Variants in ASIC2 observed in about 807,000 individuals in gnomAD.
ASIC2 encodes acid-sensing ion channel 2.
In ASIC2, 25 loss-of-function variants were observed where a neutral mutation model predicts 57.3. That is an observed-to-expected ratio of 0.44 (90% CI 0.32 to 0.61). The LOEUF (loss-of-function observed/expected upper bound fraction) is 0.61. Among genes scored for constraint, ASIC2 ranks in the 20% least tolerant of loss-of-function variants. The probability of loss-of-function intolerance (pLI) is 0.06; values close to 1 mark genes in which losing one functional copy is unlikely to be tolerated. For synonymous variants in ASIC2, 319 were observed against 307.5 expected, an observed-to-expected ratio of 1.04 and a Z score of -0.39; for missense variants, 641 against 738.1, an observed-to-expected ratio of 0.87 and a Z score of 1.52.
intron 1 of ASIC2, among the ~76,000 whole-genome samples, chr17:33,486,453 C>A (rs888411676): frequency 4.6e-5 from 7 of 152,176 alleles, no homozygotes; most frequent in Admixed American, 4.6e-4. Context: ...CCTGGTACAG[C>A]ACCTGGCATA....
At chr17:33,549,302 A>G (rs1002362385) in intron 1 of ASIC2, among the ~76,000 whole-genome samples, 1 of 152,012 alleles carries the variant, frequency 6.6e-6, no homozygotes, top group Admixed American at 6.6e-5. Flanking sequence ...GTGCATCTTA[A>G]CTCGTTTTAG....
At chr17:33,461,458 CCCAGGG>C (rs2141911931) in intron 1 of ASIC2, among the ~76,000 whole-genome samples, 1 of 152,240 alleles carries the variant, frequency 6.6e-6, no homozygotes, top group Non-Finnish European at 1.5e-5. Context: ...TTTGATATTC[CCCAGGG>C]CCCTGCTTCT....
At chr17:33,257,981 G>A (rs544470363) in intron 1 of ASIC2, among the ~76,000 whole-genome samples, 1 of 152,304 alleles carries the variant, frequency 6.6e-6, no homozygotes, top group African/African-American at 2.4e-5. Context: ...CTACATTAGT[G>A]TGTGCAAGGT....
At chr17:33,813,498 A>G (rs973351908) in intron 1 of ASIC2, among the ~76,000 whole-genome samples, 1 of 152,092 alleles carries the variant, frequency 6.6e-6, no homozygotes, top group East Asian at 1.9e-4. Context: ...GTGCAGTGGC[A>G]CAATCTTGGC....
intron 1 of ASIC2, among the ~76,000 whole-genome samples, chr17:33,708,544 G>T (rs771603116): frequency 2.6e-5 from 4 of 152,088 alleles, no homozygotes; most frequent in Non-Finnish European, 5.9e-5. Context: ...TTCTCTTCCA[G>T]CTCTGAAGCC....
intron 1 of ASIC2, among the ~76,000 whole-genome samples, chr17:33,424,406 A>G (rs1040866399): frequency 6.6e-6 from 1 of 152,220 alleles, no homozygotes; most frequent in Non-Finnish European, 1.5e-5. Flanking sequence ...TGAAGGGCAG[A>G]AGTTCAGTGG....
chr17:33,499,155 G>T (rs909971235), intron 1 of ASIC2, among the ~76,000 whole-genome samples: 1 of 152,166 alleles, frequency 6.6e-6, no homozygotes, highest in Non-Finnish European at 1.5e-5. Flanking sequence ...TTGAAGTGGG[G>T]GTGTCTACAT....
intron 1 of ASIC2, among the ~76,000 whole-genome samples, chr17:33,349,065 T>C (rs59341815): frequency 0.23 from 35,519 of 152,094 alleles, 4,619 homozygotes; most frequent in South Asian, 0.43. Flanking sequence ...CTCTTATTAC[T>C]GATCTATGGA....
chr17:33,048,607 G>A (rs376659339), intron 3 of ASIC2, among the ~76,000 whole-genome samples: 52 of 152,296 alleles, frequency 3.4e-4, no homozygotes, highest in African/African-American at 1.1e-3. Flanking sequence ...GAGAGACCAC[G>A]TCATCTGCTA....
chr17:33,074,845 T>C (rs1000500337), intron 3 of ASIC2, among the ~76,000 whole-genome samples: 1 of 152,206 alleles, frequency 6.6e-6, no homozygotes, highest in African/African-American at 2.4e-5. Flanking sequence ...TTCTGGACTT[T>C]ATAGATAAGA....
chr17:34,146,081 G>A (rs922566925), intron 1 of ASIC2, among the ~76,000 whole-genome samples: 28 of 152,124 alleles, frequency 1.8e-4, no homozygotes, highest in Non-Finnish European at 1.0e-4. Flanking sequence ...TCAGCTCTTC[G>A]GAGAAGGGAA....
chr17:33,544,003 T>C (rs911792812), intron 1 of ASIC2, among the ~76,000 whole-genome samples: 2 of 152,206 alleles, frequency 1.3e-5, no homozygotes, highest in African/African-American at 2.4e-5. Flanking sequence ...AACCCAGGAA[T>C]TCCCTTTTGG....
intron 1 of ASIC2, among the ~76,000 whole-genome samples, chr17:33,999,400 G>A (rs1906263995): frequency 1.3e-5 from 2 of 152,068 alleles, no homozygotes; most frequent in South Asian, 4.1e-4. Flanking sequence ...TTGCCATTTT[G>A]TTAATTGATT....
intron 1 of ASIC2, among the ~76,000 whole-genome samples, chr17:33,407,649 T>C (rs1910515584): frequency 6.6e-6 from 1 of 152,222 alleles, no homozygotes; most frequent in South Asian, 2.1e-4. Flanking sequence ...ATAAAGTTAG[T>C]AATGAAACAG....
At chr17:33,669,873 A>C (rs753434365) in intron 1 of ASIC2, among the ~76,000 whole-genome samples, 3 of 152,178 alleles carry the variant, frequency 2.0e-5, no homozygotes, top group Non-Finnish European at 2.9e-5. Context: ...CACCCATAAG[A>C]CAAACAACCT....
chr17:33,261,353 G>C (rs1909273456), intron 1 of ASIC2, among the ~76,000 whole-genome samples: 1 of 152,186 alleles, frequency 6.6e-6, no homozygotes, highest in Admixed American at 6.5e-5. Flanking sequence ...TTAGAAAACA[G>C]CTGTTTTCTG....
At chr17:33,913,360 C>T (rs1298592073) in intron 1 of ASIC2, among the ~76,000 whole-genome samples, 2 of 152,034 alleles carry the variant, frequency 1.3e-5, no homozygotes, top group Non-Finnish European at 2.9e-5. Context: ...ATTGTTGTGT[C>T]TATCCCATGG....
At chr17:33,303,673 C>T (rs926060240) in intron 1 of ASIC2, among the ~76,000 whole-genome samples, 2 of 152,132 alleles carry the variant, frequency 1.3e-5, no homozygotes, top group Admixed American at 6.5e-5. Flanking sequence ...TTCAGTTCTT[C>T]CTCCCTTTTT....
intron 1 of ASIC2, among the ~76,000 whole-genome samples, chr17:33,495,566 C>G (rs945024414): frequency 6.6e-6 from 1 of 152,184 alleles, no homozygotes; most frequent in Non-Finnish European, 1.5e-5. Flanking sequence ...GTGCCTGTTT[C>G]CTATTGAGTT....
Sources: gnomAD v4.1 joint callset for allele counts (sites outside exome capture counted in the v4.1 genomes callset) on GRCh38, gnomAD v4.1.1 for gene constraint, MANE v1.5 for transcripts, NCBI Gene and HGNC (gene_info 2026-07-23, HGNC 2026-07-21) for gene names.